Variants in MGAT4C observed in about 807,000 individuals in gnomAD.
MGAT4C encodes the protein MGAT4 family member C.
MGAT4C carries 19 observed loss-of-function variants against 40.1 expected under a neutral mutation model. The ratio of observed to expected loss-of-function variants is 0.47; its 90% CI spans 0.33 to 0.70. MGAT4C has a LOEUF of 0.70. Among genes scored for constraint, MGAT4C ranks in the 30% least tolerant of loss-of-function variants. The pLI is 0.02. For synonymous variants in MGAT4C, 181 were observed against 187.1 expected (o/e 0.97, Z 0.27); for missense variants, 491 against 563.2 (o/e 0.87, Z 1.30).
Position 85,997,481 on chromosome 12 carries a change from G to A in MGAT4C, c.-6-7929C>T, listed in dbSNP as rs145890802. ...AAGTCCACAGTCCAAAGTCTCATCC[G>A]AGACAAGGCAAGTACCTTCAGCCTA... On this transcript the variant is annotated intron_variant, in intron 2 of 4. Transcript: ENST00000611864. Among the ~76,000 whole-genome samples, 649 of 152,218 alleles carry A rather than the reference G, an allele frequency of 4.3e-3. 4 individuals are homozygous for A. Among genetic ancestry groups the A allele is most frequent in the African/African-American group, 0.015 (622 of 41,530 alleles).
At chr12:86,619,123 A>G (rs1054356071) in intron 2 of MGAT4C, among the ~76,000 whole-genome samples, 1 of 152,130 alleles carries the variant, frequency 6.6e-6, no homozygotes, top group Non-Finnish European at 1.5e-5. Flanking sequence ...TGCAAATACT[A>G]CATCATTTCA....
In MGAT4C at chr12:86,774,323, C is replaced by CTTTCTTTCTTTCTTTCT. The variant is rs1192479432; in HGVS notation, c.-261-47099_-261-47083dup. ...TCTTTCTTTCTTTCTTTCTTTCTTT[C>CTTTCTTTCTTTCTTTCT]TTTCTTTCTTTCTTTCTGTCTCTCT... On this transcript the variant is annotated intron_variant, in intron 1 of 7. Coordinates refer to the MGAT4C transcript ENST00000548651. Among the ~76,000 whole-genome samples the CTTTCTTTCTTTCTTTCT allele has an allele frequency of 6.9e-4, 67 of 97,092 alleles. 3 individuals are homozygous for CTTTCTTTCTTTCTTTCT. Among genetic ancestry groups the CTTTCTTTCTTTCTTTCT allele is most frequent in the East Asian group, 9.9e-4 (3 of 3,040 alleles). The allele number at this position is 97,092 out of a possible 152,430, so 63.7% of individuals were successfully genotyped here.
intron 2 of MGAT4C, among the ~76,000 whole-genome samples, chr12:86,480,738 ACT>A (rs924334020): frequency 1.3e-5 from 2 of 151,580 alleles, no homozygotes; most frequent in African/African-American, 4.8e-5. Context: ...TATTGCTGTA[ACT>A]CTTTATTTCT....
chr12:86,032,496 G>T (rs1890852265), intron 2 of MGAT4C, among the ~76,000 whole-genome samples: 1 of 149,510 alleles, frequency 6.7e-6, no homozygotes, highest in Non-Finnish European at 1.5e-5. Flanking sequence ...AGGTTGATTT[G>T]CATTTCTCCA....
intron 1 of MGAT4C, among the ~76,000 whole-genome samples, chr12:86,248,858 A>C (rs376523864): frequency 1.3e-5 from 2 of 152,144 alleles, no homozygotes; most frequent in East Asian, 3.9e-4. Flanking sequence ...AGACAGCCTA[A>C]GAGACAGCTG....
intron 1 of MGAT4C, among the ~76,000 whole-genome samples, chr12:86,160,019 T>C (rs535907369): frequency 6.6e-6 from 1 of 152,208 alleles, no homozygotes; most frequent in East Asian, 1.9e-4. Context: ...TTTTTATAGA[T>C]TTTTACGTCT....
At chr12:86,533,146 G>A (rs771726810) in intron 2 of MGAT4C, among the ~76,000 whole-genome samples, 1 of 151,954 alleles carries the variant, frequency 6.6e-6, no homozygotes, top group Non-Finnish European at 1.5e-5. Flanking sequence ...AACTTTTAGC[G>A]ATACAGCAAC....
At chr12:86,283,111 T>C (rs896320296) in intron 4 of MGAT4C, among the ~76,000 whole-genome samples, 1 of 152,048 alleles carries the variant, frequency 6.6e-6, no homozygotes, top group Non-Finnish European at 1.5e-5. Context: ...TTCACCATTG[T>C]TGAACTCTCA....
At chr12:86,345,328 G>C (rs1177962111) in intron 3 of MGAT4C, among the ~76,000 whole-genome samples, 1 of 151,668 alleles carries the variant, frequency 6.6e-6, no homozygotes, top group African/African-American at 2.4e-5. Context: ...ACAACGTGCA[G>C]GTTTGTTACA....
In MGAT4C at chr12:86,013,718, A is replaced by G. The variant is rs537892051; in HGVS notation, c.-6-24166T>C. 4.1e-6 allele frequency: 4 copies of G among 985,170 alleles called. No homozygotes were observed. The East Asian group carries it at 3.4e-4, about 84-fold the overall frequency. 61.0% of individuals were successfully genotyped at this position (985,170 alleles called of 1,614,324 possible). On this transcript the variant is annotated intron_variant, in intron 2 of 4. Coordinates refer to ENST00000611864, the MANE Select transcript of MGAT4C (RefSeq NM_001351288.2). ...TACTGTTTACAAACCACCAACAAAA[A>G]GAACATACGGCTTTTCTAGTGTCAG...
chr12:86,180,924 T>C (rs923777167), intron 1 of MGAT4C, among the ~76,000 whole-genome samples: 8 of 152,026 alleles, frequency 5.3e-5, no homozygotes, highest in Admixed American at 2.0e-4. Flanking sequence ...GGACATGAGA[T>C]TTGGAGGGGT....
At chr12:86,416,057 A>G (rs1592817142) in intron 3 of MGAT4C, among the ~76,000 whole-genome samples, 2 of 152,086 alleles carry the variant, frequency 1.3e-5, no homozygotes, top group South Asian at 4.1e-4. Context: ...ACATTTGTGT[A>G]TAGAGGGATA....
intron 1 of MGAT4C, among the ~76,000 whole-genome samples, chr12:86,195,172 T>A (rs1442526688): frequency 6.6e-6 from 1 of 152,162 alleles, no homozygotes; most frequent in Non-Finnish European, 1.5e-5. Context: ...ACCCTTTACA[T>A]AAATAAGCAA....
At chr12:86,537,618 C>T (rs140498797) in intron 2 of MGAT4C, among the ~76,000 whole-genome samples, 97 of 152,230 alleles carry the variant, frequency 6.4e-4, no homozygotes, top group African/African-American at 2.1e-3. Context: ...CCTTATATTT[C>T]TCCTGTCCAG....
Position 86,034,292 on chromosome 12 carries a change from CT to C in MGAT4C, c.-7+15381del, listed in dbSNP as rs1239162358. On this transcript the variant is annotated intron_variant, in intron 2 of 4. Coordinates refer to ENST00000611864, the MANE Select transcript of MGAT4C (RefSeq NM_001351288.2). ...AGAATGAGTTAGGAAGGAGTCCCTT[CT>C]CTTCAAATTTTTGGAATAGTTTCAG... 7.3e-3 allele frequency among the ~76,000 whole-genome samples: 1,099 copies of C among 149,670 alleles called. 34 individuals are homozygous for C. Among genetic ancestry groups the C allele is most frequent in the African/African-American group, 0.025 (1,022 of 41,324 alleles).
chr12:86,508,210 TC>T (rs1485016346), intron 2 of MGAT4C, among the ~76,000 whole-genome samples: 4 of 151,820 alleles, frequency 2.6e-5, no homozygotes, highest in Non-Finnish European at 4.4e-5. Context: ...CCTCCCCCCT[TC>T]CCCCACCATA....
rs549958526 is a variant in MGAT4C, at chr12:86,429,472, G to A, written c.-120+5685C>T. 5.3e-5 allele frequency among the ~76,000 whole-genome samples: 8 copies of A among 152,224 alleles called. No homozygotes were observed. In the South Asian group the frequency reaches 1.7e-3, roughly 32 times the overall value. On this transcript the variant is annotated intron_variant, in intron 3 of 7. Coordinates refer to the MGAT4C transcript ENST00000548651. ...GAAATATTTTGTTTATCTCTGTTAG[G>A]ACCATTAAATCTAAAGTGTTGTTCA...
intron 1 of MGAT4C, among the ~76,000 whole-genome samples, chr12:86,766,314 C>A (rs1951506887): frequency 6.6e-6 from 1 of 152,042 alleles, no homozygotes; most frequent in Non-Finnish European, 1.5e-5. Context: ...ATAAGAAGAG[C>A]TAACTATCCT....
At chr12:86,498,465 G>C (rs1385472395) in intron 2 of MGAT4C, among the ~76,000 whole-genome samples, 2 of 151,734 alleles carry the variant, frequency 1.3e-5, no homozygotes, top group Non-Finnish European at 2.9e-5. Context: ...ATATATGTAA[G>C]ATTAGTCTAT....
Sources: allele counts gnomAD v4.1 joint callset (sites outside exome capture counted in the v4.1 genomes callset), GRCh38; gene constraint gnomAD v4.1.1; transcripts MANE v1.5; gene names NCBI Gene and HGNC (gene_info 2026-07-23, HGNC 2026-07-21).